The following IGF1R variants were observed in gnomAD, a reference collection of about 807,000 sequenced individuals.
The protein encoded by IGF1R is insulin like growth factor 1 receptor.
IGF1R carries 44 observed loss-of-function variants against 144.6 expected under a neutral mutation model. That is an observed-to-expected ratio of 0.30 (90% confidence interval 0.24 to 0.39). The LOEUF is 0.39. Ranked by LOEUF, IGF1R falls within the 10% of genes least tolerant of loss-of-function variation. The probability of loss-of-function intolerance (pLI) is 1.00; values close to 1 mark genes in which losing one functional copy is unlikely to be tolerated. For synonymous variants in IGF1R, 795 were observed against 722.8 expected, an observed-to-expected ratio of 1.10 and a Z score of -1.60; for missense variants, 1,355 against 1,833.7, an observed-to-expected ratio of 0.74 and a Z score of 4.77.
intron 2 of IGF1R, among the ~76,000 whole-genome samples, chr15:98,737,233 G>A (rs1383376043): frequency 4.6e-5 from 7 of 152,184 alleles, no homozygotes; most frequent in African/African-American, 1.7e-4. Flanking sequence ...ATGGGAACAG[G>A]CGGCAGCTGC....
chr15:98,748,935 G>T (rs891642523), intron 2 of IGF1R, among the ~76,000 whole-genome samples: 2 of 152,176 alleles, frequency 1.3e-5, no homozygotes, highest in African/African-American at 4.8e-5. Flanking sequence ...GACTCCACTG[G>T]ACACTCACAT....
At chr15:98,892,343 G>C (rs2013965287) in intron 3 of IGF1R, among the ~76,000 whole-genome samples, 1 of 151,836 alleles carries the variant, frequency 6.6e-6, no homozygotes, top group Non-Finnish European at 1.5e-5. Flanking sequence ...CTTGAGGTCA[G>C]AGTTTGAGAC....
At chr15:98,754,871 A>C (rs1271276113) in intron 2 of IGF1R, among the ~76,000 whole-genome samples, 2 of 152,224 alleles carry the variant, frequency 1.3e-5, no homozygotes, top group Non-Finnish European at 2.9e-5. Context: ...ATTCACACCT[A>C]GGTTGACCTG....
At chr15:98,783,936 T>G (rs376985269) in intron 2 of IGF1R, among the ~76,000 whole-genome samples, 49 of 150,982 alleles carry the variant, frequency 3.2e-4, no homozygotes, top group African/African-American at 1.2e-3. Context: ...ATTGGTCTAT[T>G]GCAAATACTA....
intron 2 of IGF1R, among the ~76,000 whole-genome samples, chr15:98,708,747 G>A (rs1033122522): frequency 3.3e-5 from 5 of 152,184 alleles, no homozygotes; most frequent in African/African-American, 1.2e-4. Context: ...GTACTTGCAG[G>A]TAGCTGTGTA....
At chr15:98,819,899 T>G (rs1300578359) in intron 2 of IGF1R, among the ~76,000 whole-genome samples, 2 of 152,210 alleles carry the variant, frequency 1.3e-5, no homozygotes, top group Non-Finnish European at 2.9e-5. Context: ...CTATGTTTAT[T>G]CTGCTGCCAA....
chr15:98,817,373 C>T (rs2056717087), intron 2 of IGF1R, among the ~76,000 whole-genome samples: 1 of 151,620 alleles, frequency 6.6e-6, no homozygotes, highest in South Asian at 2.1e-4. Flanking sequence ...TGGTAGGATG[C>T]ACAGTAAAGA....
At chr15:98,815,480 A>G (rs778331157) in intron 2 of IGF1R, among the ~76,000 whole-genome samples, 1 of 152,278 alleles carries the variant, frequency 6.6e-6, no homozygotes, top group Non-Finnish European at 1.5e-5. Flanking sequence ...GGCCCATGCA[A>G]ACAGGGCACA....
chr15:98,866,780 G>A (rs1193217114), intron 2 of IGF1R, among the ~76,000 whole-genome samples: 1 of 152,174 alleles, frequency 6.6e-6, no homozygotes, highest in Admixed American at 6.5e-5. Context: ...GGTGATGTCC[G>A]CTTGTTTGCT....
chr15:98,853,188 G>C (rs1178455997), intron 2 of IGF1R, among the ~76,000 whole-genome samples: 1 of 152,060 alleles, frequency 6.6e-6, no homozygotes, highest in African/African-American at 2.4e-5. Flanking sequence ...TCCTAGGTTT[G>C]AAATATGTTT....
At chr15:98,840,665 G>GTTTTTTT in intron 2 of IGF1R, among the ~76,000 whole-genome samples, 1 of 142,886 alleles carries the variant, frequency 7.0e-6, no homozygotes, top group African/African-American at 2.6e-5. Context: ...CGGGGTTTTT[G>GTTTTTTT]TTTTTTGTTT....
Position 98,957,478 on chromosome 15 carries a change from T to A in IGF1R, c.*36T>A. ...CTGAATCTGTGCAAACAGTAACGTG[T>A]GCGCACGCGCAGCGGGGTGGGGGGG... On this transcript the variant is annotated 3_prime_UTR_variant, in exon 21 of 21. Transcript: ENST00000650285. 1.9e-6 allele frequency: 3 copies of A among 1,611,144 alleles called. No homozygotes were observed. The highest frequency in any genetic ancestry group is 2.5e-6 in the Non-Finnish European group (3 of 1,179,422).
At chr15:98,729,179 C>T (rs921518158) in intron 2 of IGF1R, among the ~76,000 whole-genome samples, 4 of 152,226 alleles carry the variant, frequency 2.6e-5, no homozygotes, top group Admixed American at 1.3e-4. Context: ...CTCACTACAA[C>T]AGCTGTTCTT....
chr15:98,873,035 G>A (rs915244937), intron 2 of IGF1R, among the ~76,000 whole-genome samples: 4 of 152,148 alleles, frequency 2.6e-5, no homozygotes, highest in Admixed American at 1.3e-4. Context: ...GCTACCTCGC[G>A]TCATCATGTC....
chr15:98,800,493 C>A (rs1477529705), intron 2 of IGF1R, among the ~76,000 whole-genome samples: 1 of 151,942 alleles, frequency 6.6e-6, no homozygotes, highest in African/African-American at 2.4e-5. Flanking sequence ...CAAAGAACAA[C>A]CTTTGATTAA....
At chr15:98,924,322 G>A (rs1179216192) in intron 12 of IGF1R, among the ~76,000 whole-genome samples, 1 of 152,202 alleles carries the variant, frequency 6.6e-6, no homozygotes, top group African/African-American at 2.4e-5. Flanking sequence ...AAAATGTTTG[G>A]TTAAAGCTTT....
intron 3 of IGF1R, 66 bp from the exon 4 acceptor site, chr15:98,896,690 GT>G (rs901017372): frequency 3.5e-5 from 53 of 1,496,032 alleles, no homozygotes; most frequent in Non-Finnish European, 4.5e-5. Flanking sequence ...TATCCTTATG[GT>G]TTTTTTAATG....
At chr15:98,875,386 G>A (rs578015055) in intron 2 of IGF1R, among the ~76,000 whole-genome samples, 28 of 145,812 alleles carry the variant, frequency 1.9e-4, no homozygotes, top group African/African-American at 6.1e-4. Flanking sequence ...GCCAGTTTGG[G>A]TTTTTACGGT....
intron 2 of IGF1R, among the ~76,000 whole-genome samples, chr15:98,776,563 ATTTTT>A (rs2141382654): frequency 6.6e-6 from 1 of 152,234 alleles, no homozygotes; most frequent in Non-Finnish European, 1.5e-5. Flanking sequence ...TGTCAGCATT[ATTTTT>A]AAGAGCCTCT....
Sources: gnomAD v4.1 joint callset for allele counts (sites outside exome capture counted in the v4.1 genomes callset) on GRCh38, gnomAD v4.1.1 for gene constraint, MANE v1.5 for transcripts, NCBI Gene and HGNC (gene_info 2026-07-23, HGNC 2026-07-21) for gene names.